The following PEX1 variants were observed in gnomAD, a reference collection of about 807,000 sequenced individuals.
PEX1 encodes peroxisomal ATPase PEX1.
A neutral mutation model predicts 152.5 loss-of-function variants in PEX1; 97 were observed. The observed-to-expected ratio is 0.64, with a 90% CI of 0.54 to 0.75. The LOEUF is 0.75. PEX1 is among the 30% of genes least tolerant of loss of function. The pLI is 0.00. For missense variants in PEX1, 1,357 were observed against 1,516.3 expected, an observed-to-expected ratio of 0.89 and a Z score of 1.74; for synonymous variants, 485 against 531.6, an observed-to-expected ratio of 0.91 and a Z score of 1.21.
At chr7:92,489,542 T>C (rs1243078513) in intron 22 of PEX1, 119 bp from the exon 23 acceptor site, 8 of 1,065,216 alleles carry the variant, frequency 7.5e-6, no homozygotes, top group Non-Finnish European at 1.1e-5. Flanking sequence ...CTCTTCCTTA[T>C]AAGATAATGA....
chr7:92,516,087 AAAG>A (rs957327098), intron 5 of PEX1, among the ~76,000 whole-genome samples: 6 of 151,544 alleles, frequency 4.0e-5, no homozygotes, highest in African/African-American at 1.2e-4. Flanking sequence ...AAAGAAAAGA[AAAG>A]AAAAGAAAAG....
chr7:92,510,776 T>C (rs899033624), intron 8 of PEX1, 168 bp downstream of exon 8: 5 of 507,740 alleles, frequency 9.8e-6, no homozygotes, highest in African/African-American at 7.8e-5. Flanking sequence ...TTTGTACAGA[T>C]AATTTAAAGA....
intron 2 of PEX1, 77 bp from the exon 3 acceptor site, chr7:92,519,155 T>A: frequency 1.2e-6 from 1 of 813,298 alleles, no homozygotes; most frequent in Non-Finnish European, 2.1e-6. Flanking sequence ...GAAGTTATCT[T>A]CTTACCATTT....
chr7:92,522,553 T>G (rs1463557981), intron 1 of PEX1, among the ~76,000 whole-genome samples: 2 of 152,180 alleles, frequency 1.3e-5, no homozygotes, highest in Non-Finnish European at 2.9e-5. Flanking sequence ...ATATAACTAT[T>G]TGAGCATTTA....
In PEX1 at chr7:92,499,793, T is replaced by G. The variant is rs1328050183; in HGVS notation, c.2629A>C (p.Ile877Leu). The change falls in exon 16 of 24, where the codon ATA becomes CTA. Residue 877 changes from isoleucine (I) to leucine (L), a missense_variant. Physicochemically the swap from Ile to Leu is conservative, Grantham distance 5. Transcript: ENST00000248633. ...GTTCCAGGCGGACCATACAACAGTA[T>G]TCCTGTTCTTTGTCGTATGGGCAAG... ...ANLPIRQRTGILLYGPPGTGK... is the reference protein window; with the variant it reads ...ANLPIRQRTGLLLYGPPGTGK... 4 of 1,611,270 alleles carry G rather than the reference T, an allele frequency of 2.5e-6. No homozygotes were observed. The East Asian group carries it at 8.9e-5, about 36-fold the overall frequency.
Position 92,487,498 on chromosome 7 carries a change from C to T in PEX1, c.3811G>A (p.Gly1271Arg). Residue 1271 changes from glycine to arginine, a missense_variant, in exon 24 of 24, where the codon GGA becomes AGA. Coordinates refer to ENST00000248633, the MANE Select transcript of PEX1 (RefSeq NM_000466.3). ...TTCTGTCCAGGTCGAAACATTGTTC[C>T]ACTTTGATTTTTTCTCCTCTTTGGA... ...QNPKRRKNQS[G>R]TMFRPGQKVT... 1 of 1,595,694 alleles carries T rather than the reference C, an allele frequency of 6.3e-7. No individual in the cohort carries two copies. The highest frequency in any genetic ancestry group is 8.6e-7 in the Non-Finnish European group (1 of 1,166,030).
intron 5 of PEX1, among the ~76,000 whole-genome samples, chr7:92,514,398 C>G (rs1046217957): frequency 6.6e-6 from 1 of 152,226 alleles, no homozygotes; most frequent in Non-Finnish European, 1.5e-5. Flanking sequence ...CCCTACATTT[C>G]TTTCCTTTTC....
chr7:92,497,453 C>CAA (rs200588226), intron 16 of PEX1, among the ~76,000 whole-genome samples: 2,195 of 118,824 alleles, frequency 0.018, 62 homozygotes, highest in African/African-American at 0.064. Flanking sequence ...GGGAAAAGGC[C>CAA]AAAAAAAAAA....
intron 16 of PEX1, 116 bp from the exon 17 acceptor site, chr7:92,496,893 T>C: frequency 1.4e-6 from 1 of 718,680 alleles, no homozygotes; most frequent in Non-Finnish European, 2.5e-6. Context: ...TGGATGTCTT[T>C]TATACATTTT....
rs184443438 is a variant in PEX1 at position 92,504,948 on chromosome 7, G to T, written c.1901-46C>A. 1.2e-4 allele frequency: 167 copies of T among 1,436,276 alleles called. 1 individual carries two copies. The highest frequency in any genetic ancestry group is 4.9e-6 in the Non-Finnish European group (5 of 1,018,434). The allele number at this position is 1,436,276 out of a possible 1,614,324, so 89.0% of individuals were successfully genotyped here. ...ATGGTTTCAGTATCATTTCAGTGCT[G>T]GGAAAATTCAGGTTGTCCTTTTGAA... On this transcript the variant is annotated intron_variant, in intron 11 of 23. Transcript: ENST00000248633.
At chr7:92,516,072 AAAGAAAAG>A (rs1792759278) in intron 5 of PEX1, among the ~76,000 whole-genome samples, 3 of 146,276 alleles carry the variant, frequency 2.1e-5, no homozygotes, top group Non-Finnish European at 4.6e-5. Flanking sequence ...AAAGAAAAGA[AAAGAAAAG>A]AAAAGAAAAG....
chr7:92,501,505 A>G lies in PEX1; in HGVS notation c.2583+2T>C. On this transcript the variant is annotated splice_donor_variant, in intron 15 of 23. Coordinates refer to ENST00000248633, the MANE Select transcript of PEX1 (RefSeq NM_000466.3). LOFTEE classifies it high-confidence loss of function. ...ATTCACTTTTTCTTTTTTTAAACAT[A>G]CCTTGGCAGGTAACTGGATAGTATC... 6.2e-7 allele frequency: 1 copy of G among 1,612,216 alleles called. No individual in the cohort carries two copies. Among genetic ancestry groups the G allele is most frequent in the Non-Finnish European group, 8.5e-7 (1 of 1,178,356 alleles).
Position 92,515,378 on chromosome 7 carries a change from T to C in PEX1, c.1240-1411A>G, listed in dbSNP as rs562913524. ...AATAAAGGTTCAAGTTAACATGAAT[T>C]TGTTAGTTGTATCACCAAGTGATCA... is the stretch of plus-strand genomic sequence containing the variant. On this transcript the variant is annotated intron_variant, in intron 5 of 23. Transcript: ENST00000248633. 8.5e-5 allele frequency among the ~76,000 whole-genome samples: 13 copies of C among 152,196 alleles called. No individual in the cohort carries two copies. In the South Asian group the frequency reaches 2.7e-3, roughly 32 times the overall value.
In PEX1 at chr7:92,517,925, T is replaced by G; in HGVS notation, c.590A>C (p.Lys197Thr). 1.3e-6 allele frequency: 2 copies of G among 1,582,880 alleles called. No individual in the cohort carries two copies. Among genetic ancestry groups the G allele is most frequent in the Non-Finnish European group, 8.6e-7 (1 of 1,168,596 alleles). ...GTCTCTTCCATAACTATGAAGTTTT[T>G]TATATTCAGCATCAGCTTTTGAAAA... ...NTFSKADAEY[K>T]KLHSYGRDQK... Residue 197 changes from lysine (K) to threonine (T), a missense_variant, in exon 5 of 24, where the codon AAA becomes ACA. Lys to Thr is a moderately conservative substitution (Grantham distance 78, BLOSUM62 -1). Coordinates refer to ENST00000248633, the MANE Select transcript of PEX1 (RefSeq NM_000466.3).
chr7:92,495,373 C>T (rs1791601469), intron 17 of PEX1, among the ~76,000 whole-genome samples: 1 of 152,064 alleles, frequency 6.6e-6, no homozygotes, highest in Admixed American at 6.6e-5. Flanking sequence ...AATATATCTT[C>T]TGGGGCCAAA....
chr7:92,489,388 T>TTTGA lies in PEX1; in HGVS notation c.3668_3671dup (p.Lys1224AsnfsTer8). ...GTGACTGACTAATAGCCAGTCTGGT[T>TTTGA]TTGATTGGTCCTGGTTGGTTCATGG... is the stretch of plus-strand genomic sequence containing the variant. On this transcript the variant is annotated frameshift_variant, in exon 23 of 24. Coordinates refer to ENST00000248633, the MANE Select transcript of PEX1 (RefSeq NM_000466.3). LOFTEE classifies it high-confidence loss of function. 6.2e-7 allele frequency: 1 copy of TTTGA among 1,613,150 alleles called. No homozygotes were observed. The highest frequency in any genetic ancestry group is 8.5e-7 in the Non-Finnish European group (1 of 1,179,166).
rs773508754 is a variant in PEX1, at chr7:92,501,990, T to C, written c.2316A>G (p.Val772=). The C allele has an allele frequency of 6.2e-7, 1 of 1,613,494 alleles. No homozygotes were observed. Among genetic ancestry groups the C allele is most frequent in the South Asian group, 1.1e-5 (1 of 91,072 alleles). Residue 772 remains valine (V), a synonymous_variant, in exon 14 of 24, where the codon GTA becomes GTG. Coordinates refer to ENST00000248633, the MANE Select transcript of PEX1 (RefSeq NM_000466.3). The stretch of plus-strand genomic sequence containing the variant: ...CCACAAACCCGCCAGTTTCTTTAGC[T>C]ACATGCTGCAGGTCAAGATCGGTGA... ...NKFTDLDLQH[V]AKETGGFVAR...
intron 9 of PEX1, among the ~76,000 whole-genome samples, chr7:92,509,078 G>T (rs990711338): frequency 6.7e-6 from 1 of 148,540 alleles, no homozygotes; most frequent in African/African-American, 2.5e-5. Context: ...TCTTGTTATC[G>T]AAGAAGACAA....
intron 5 of PEX1, among the ~76,000 whole-genome samples, chr7:92,516,075 G>T (rs868140800): frequency 7.1e-6 from 1 of 141,052 alleles, no homozygotes; most frequent in East Asian, 2.1e-4. Flanking sequence ...GAAAAGAAAA[G>T]AAAAGAAAAG....
Sources: allele counts gnomAD v4.1 joint callset (sites outside exome capture counted in the v4.1 genomes callset), GRCh38; gene constraint gnomAD v4.1.1; transcripts MANE v1.5; gene names NCBI Gene and HGNC (gene_info 2026-07-23, HGNC 2026-07-21).